Variants in EEA1 observed in about 807,000 individuals in gnomAD.
EEA1 encodes early endosome antigen 1, also known as early endosome antigen 1, 162kD.
A neutral mutation model predicts 209.2 loss-of-function variants in EEA1; 111 were observed. The observed-to-expected ratio is 0.53, with a 90% CI of 0.45 to 0.62. The LOEUF (loss-of-function observed/expected upper bound fraction) is 0.62, where lower values mean the gene tolerates loss of function less well. EEA1 is among the 20% of genes least tolerant of loss of function. The probability of loss-of-function intolerance (pLI) is 0.00; values close to 1 mark genes in which losing one functional copy is unlikely to be tolerated. For missense variants in EEA1, 1,343 were observed against 1,530.8 expected (o/e 0.88, Z 2.05); for synonymous variants, 536 against 540.6 (o/e 0.99, Z 0.12).
intron 1 of EEA1, among the ~76,000 whole-genome samples, chr12:92,908,710 C>G (rs1880470651): frequency 6.6e-6 from 1 of 152,034 alleles, no homozygotes; most frequent in Non-Finnish European, 1.5e-5. Context: ...TAGCAAAAAA[C>G]ATTTGCTAAT....
Position 92,782,132 on chromosome 12 carries a change from C to G in EEA1, c.3154G>C (p.Val1052Leu). 1 of 1,595,562 alleles carries G rather than the reference C, an allele frequency of 6.3e-7. No individual in the cohort carries two copies. Among genetic ancestry groups the G allele is most frequent in the East Asian group, 2.2e-5 (1 of 44,614 alleles). The change falls in exon 23 of 29, where the codon GTA (valine) becomes CTA (leucine). Residue 1052 changes from valine (V) to leucine (L), a missense_variant. Val to Leu is a conservative substitution (Grantham distance 32). Coordinates refer to ENST00000322349, the MANE Select transcript of EEA1 (RefSeq NM_003566.4). ...LLATRQDLKSVEEKLSLAQED... is the reference protein window; with the variant it reads ...LLATRQDLKSLEEKLSLAQED... Reference sequence around the variant, plus strand: ...TGTGCTAGAGAAAGCTTCTCTTCTACAGACTTACAAAAACAATTTTCCCAA... The same window carrying G: ...TGTGCTAGAGAAAGCTTCTCTTCTAGAGACTTACAAAAACAATTTTCCCAA...
At chr12:92,889,413 G>A (rs900397763) in intron 2 of EEA1, among the ~76,000 whole-genome samples, 2 of 151,410 alleles carry the variant, frequency 1.3e-5, no homozygotes, top group African/African-American at 4.9e-5. Flanking sequence ...AGAAACAGAA[G>A]AGCAGGACAA....
chr12:92,921,070 A>G (rs1880968954), intron 1 of EEA1, among the ~76,000 whole-genome samples: 3 of 152,204 alleles, frequency 2.0e-5, no homozygotes, highest in African/African-American at 2.4e-5. Flanking sequence ...CACCAGTTAG[A>G]ATGGCGATCA....
intron 13 of EEA1, 42 bp from the exon 14 acceptor site, chr12:92,819,553 TA>T: frequency 7.3e-7 from 1 of 1,362,424 alleles, no homozygotes; most frequent in Non-Finnish European, 1.0e-6. Context: ...ATAGAGAACT[TA>T]AAAAGTTATT....
At chr12:92,843,390 C>A (rs1877255796) in intron 9 of EEA1, among the ~76,000 whole-genome samples, 1 of 152,092 alleles carries the variant, frequency 6.6e-6, no homozygotes, top group African/African-American at 2.4e-5. Context: ...AACTCCTGGG[C>A]TCAAGCGACT....
chr12:92,898,663 C>CA (rs111508712), intron 1 of EEA1, among the ~76,000 whole-genome samples: 35,352 of 114,856 alleles, frequency 0.31, 5,016 homozygotes, highest in Non-Finnish European at 0.36. Flanking sequence ...GACTCCATCT[C>CA]AAAAAAAAAA....
At chr12:92,884,117 GAAGAACAACACCT>G in intron 2 of EEA1, 1 of 1,198,924 alleles carries the variant, frequency 8.3e-7, no homozygotes. Flanking sequence ...ATTAAACAAT[GAAGAACAACACCT>G]AAGAGATTAT....
At position 92,908,324 on chromosome 12, in the gene EEA1, G is replaced by C. The variant is rs191777467; in HGVS notation, c.25-16603C>G. Reference sequence around the variant, plus strand: ...AATTGTGGTTACAGTGGGTTCAGGGGAGGGGAGGAATGAAGAGTTATTGTT... The same window carrying C: ...AATTGTGGTTACAGTGGGTTCAGGGCAGGGGAGGAATGAAGAGTTATTGTT... On this transcript the variant is annotated intron_variant, in intron 1 of 28. Transcript: ENST00000322349. 5.9e-5 allele frequency among the ~76,000 whole-genome samples: 9 copies of C among 152,300 alleles called. No individual in the cohort carries two copies. In the East Asian group the frequency reaches 1.5e-3, roughly 26 times the overall value.
intron 6 of EEA1, among the ~76,000 whole-genome samples, chr12:92,853,347 C>G (rs925707956): frequency 1.3e-5 from 2 of 152,040 alleles, no homozygotes; most frequent in African/African-American, 4.8e-5. Context: ...GAATACACCC[C>G]TTATCTTTTT....
rs1875498212 is a variant in EEA1, at chr12:92,811,427, T to C, written c.2051A>G (p.Asn684Ser). ...NALQDKQQEL[N>S]KITTQLDQVT... ...CTGATCCAACTGAGTAGTAATCTTATTTAACTCCTTTAGAAAAGTACAATT... is the reference window on the plus strand; with the variant it reads ...CTGATCCAACTGAGTAGTAATCTTACTTAACTCCTTTAGAAAAGTACAATT... Residue 684 changes from asparagine (N) to serine (S), a missense_variant, in exon 17 of 29, where the codon AAT becomes AGT. By Grantham distance (46) the Asn-to-Ser change is conservative. Around this residue, in one of 3 missense-constraint regions of EEA1, gnomAD observed 1,307 missense variants for 1,465.5 expected, o/e 0.89. Coordinates refer to ENST00000322349, the MANE Select transcript of EEA1 (RefSeq NM_003566.4). The C allele has an allele frequency of 1.3e-6, 2 of 1,556,886 alleles. No individual in the cohort carries two copies. The highest frequency in any genetic ancestry group is 8.6e-7 in the Non-Finnish European group (1 of 1,156,636).
intron 2 of EEA1, among the ~76,000 whole-genome samples, chr12:92,882,224 C>T (rs1032695087): frequency 1.1e-4 from 16 of 152,174 alleles, no homozygotes; most frequent in Middle Eastern, 3.4e-3. Context: ...TCTCCTGCCT[C>T]AGCCTCCTGA....
chr12:92,873,631 T>C (rs563841042), intron 2 of EEA1, among the ~76,000 whole-genome samples: 1 of 152,306 alleles, frequency 6.6e-6, no homozygotes, highest in Admixed American at 6.5e-5. Flanking sequence ...TGAAAACAGA[T>C]GCCAGATGGG....
chr12:92,886,381 GC>G (rs1879386433), intron 2 of EEA1, among the ~76,000 whole-genome samples: 1 of 115,758 alleles, frequency 8.6e-6, no homozygotes, highest in Non-Finnish European at 1.8e-5. Flanking sequence ...AAAAGAAGAG[GC>G]GAGGAGAGGG....
At position 92,773,484 on chromosome 12, in the gene EEA1, T is replaced by C. The variant is rs930832570; in HGVS notation, c.*2527A>G. On this transcript the variant is annotated 3_prime_UTR_variant, in exon 29 of 29. Transcript: ENST00000322349. ...TTTTTCTTCAAAGGAACAAATCCTA[T>C]ACCAGCAGCTTTGTCTTCTTTCTAT... is the stretch of plus-strand genomic sequence containing the variant. 1 of 152,110 alleles carries C rather than the reference T, an allele frequency of 6.6e-6. No homozygotes were observed. The highest frequency in any genetic ancestry group is 1.5e-5 in the Non-Finnish European group (1 of 67,626). 9.4% of individuals were successfully genotyped at this position (152,110 alleles called of 1,614,324 possible).
At chr12:92,889,885 G>C (rs1879591717) in intron 2 of EEA1, among the ~76,000 whole-genome samples, 1 of 152,194 alleles carries the variant, frequency 6.6e-6, no homozygotes, top group African/African-American at 2.4e-5. Context: ...CTGCACTCCA[G>C]TCTGGGCAAT....
Position 92,802,644 on chromosome 12 carries a change from T to G in EEA1, c.2430A>C (p.Lys810Asn). The change falls in exon 19 of 29, where the codon AAA becomes AAC. Residue 810 changes from lysine (K) to asparagine (N), a missense_variant. Physicochemically the swap from Lys to Asn is moderately conservative, Grantham distance 94. Transcript: ENST00000322349. ...QKLTKQEEEK[K>N]ILKQDFETLS... The stretch of plus-strand genomic sequence containing the variant: ...AAGTTTCAAAATCTTGTTTCAGGAT[T>G]TTTTTTTCTTCCTCTTGCTTGGTAA... 1.2e-6 allele frequency: 2 copies of G among 1,604,832 alleles called. No homozygotes were observed. Among genetic ancestry groups the G allele is most frequent in the Admixed American group, 3.5e-5 (2 of 57,696 alleles).
rs772720898 is a variant in EEA1 at position 92,779,265 on chromosome 12, T to C, written c.3504A>G (p.Leu1168=). 3 of 1,607,408 alleles carry C rather than the reference T, an allele frequency of 1.9e-6. No individual in the cohort carries two copies. The South Asian group carries it at 3.4e-5, about 18-fold the overall frequency. Residue 1168 remains leucine, a synonymous_variant, in exon 25 of 29, where the codon CTA becomes CTG. Transcript: ENST00000322349. ...ITNLKDAKQL[L]IQQKLELQGK... ...CTTGAAGTTCTAATTTCTGCTGAAT[T>C]AGAAGCTGTTTAGCATCTTTAAGAT...
chr12:92,810,119 C>G, intron 17 of EEA1, among the ~76,000 whole-genome samples: 1 of 152,180 alleles, frequency 6.6e-6, no homozygotes, highest in East Asian at 1.9e-4. Flanking sequence ...TTACACAATG[C>G]ATTTCCTTGC....
At chr12:92,896,588 T>C (rs1178635206) in intron 1 of EEA1, among the ~76,000 whole-genome samples, 3 of 151,884 alleles carry the variant, frequency 2.0e-5, no homozygotes, top group Admixed American at 6.6e-5. Flanking sequence ...TGTTTTATTT[T>C]AAGAAATGCC....
Sources: gnomAD v4.1 joint callset for allele counts (sites outside exome capture counted in the v4.1 genomes callset) on GRCh38, gnomAD v4.1.1 for gene constraint, gnomAD v4.1.1 regional missense constraint, MANE v1.5 for transcripts, NCBI Gene and HGNC (gene_info 2026-07-23, HGNC 2026-07-21) for gene names.